The following CNTN6 variants were observed in gnomAD, a reference collection of about 807,000 sequenced individuals.
The protein encoded by CNTN6 is contactin-6.
A neutral mutation model predicts 122.8 loss-of-function variants in CNTN6; 137 were observed. The observed-to-expected ratio is 1.12, with a 90% CI of 0.97 to 1.29. CNTN6 has a LOEUF of 1.29. Among genes scored for constraint, CNTN6 ranks in the 50% most tolerant of loss-of-function variants. CNTN6 has a pLI of 0.00. For synonymous variants in CNTN6, 570 were observed against 426.0 expected, an observed-to-expected ratio of 1.34 and a Z score of -4.16; for missense variants, 1,634 against 1,223.4, an observed-to-expected ratio of 1.34 and a Z score of -5.01.
intron 2 of CNTN6, among the ~76,000 whole-genome samples, chr3:1,177,697 T>C (rs1337742386): frequency 6.6e-6 from 1 of 152,134 alleles, no homozygotes; most frequent in Non-Finnish European, 1.5e-5. Flanking sequence ...TTCAGCACTT[T>C]AAAGACATCA....
At chr3:1,336,652 T>C (rs1703111841) in intron 11 of CNTN6, among the ~76,000 whole-genome samples, 1 of 152,174 alleles carries the variant, frequency 6.6e-6, no homozygotes, top group Non-Finnish European at 1.5e-5. Context: ...TTAAAACCTG[T>C]GTGGCCCTGG....
intron 1 of CNTN6, among the ~76,000 whole-genome samples, chr3:1,094,446 G>T (rs1186140966): frequency 6.6e-6 from 1 of 151,996 alleles, no homozygotes; most frequent in Admixed American, 6.5e-5. Flanking sequence ...GCAGTCCAAA[G>T]ATTTCAAATA....
intron 2 of CNTN6, among the ~76,000 whole-genome samples, chr3:1,162,671 T>C (rs1207833595): frequency 6.6e-6 from 1 of 152,206 alleles, no homozygotes; most frequent in Non-Finnish European, 1.5e-5. Flanking sequence ...TGTCAAATGA[T>C]TTGTTGTTGC....
intron 4 of CNTN6, among the ~76,000 whole-genome samples, chr3:1,261,629 C>T (rs1005137793): frequency 1.3e-5 from 2 of 152,088 alleles, no homozygotes; most frequent in African/African-American, 4.8e-5. Flanking sequence ...GCAGCAAACC[C>T]TCTAACGTAA....
At chr3:1,227,686 A>T (rs1452135490) in intron 3 of CNTN6, 132 bp from the exon 4 acceptor site, 1 of 915,134 alleles carries the variant, frequency 1.1e-6, no homozygotes, top group Non-Finnish European at 1.6e-6. Context: ...TAAAACTGGT[A>T]GGATTACCTC....
intron 4 of CNTN6, among the ~76,000 whole-genome samples, chr3:1,271,774 A>G (rs766135092): frequency 2.6e-5 from 4 of 152,198 alleles, no homozygotes; most frequent in Non-Finnish European, 5.9e-5. Context: ...GAAAAGCATT[A>G]GGCTTTTGAT....
At chr3:1,378,558 T>A (rs1023984298) in intron 17 of CNTN6, among the ~76,000 whole-genome samples, 1 of 152,028 alleles carries the variant, frequency 6.6e-6, no homozygotes, top group Admixed American at 6.6e-5. Flanking sequence ...ACTTGTTGAA[T>A]GGAAGGTAGT....
intron 2 of CNTN6, among the ~76,000 whole-genome samples, chr3:1,186,819 C>A (rs1257804717): frequency 1.3e-5 from 2 of 148,776 alleles, no homozygotes; most frequent in East Asian, 2.0e-4. Context: ...TTATTTTTTT[C>A]TTTTTTTAAT....
intron 17 of CNTN6, among the ~76,000 whole-genome samples, chr3:1,382,516 A>C (rs1355895617): frequency 6.6e-6 from 1 of 152,144 alleles, no homozygotes; most frequent in Non-Finnish European, 1.5e-5. Context: ...TCCATTACAC[A>C]TGTCTTACAA....
rs1321539790 is a variant in CNTN6 at position 1,382,949 on chromosome 3, CAGA to C, written c.2179_2181del (p.Glu727del). 6.2e-7 allele frequency: 1 copy of C among 1,612,666 alleles called. No individual in the cohort carries two copies. Reference sequence around the variant, plus strand: ...GATCACATTCTGCCCAAGTCAATTCCAGAAGAACTGCAGAATGGGGAGGGATTT... The same window carrying C: ...GATCACATTCTGCCCAAGTCAATTCCAGAACTGCAGAATGGGGAGGGATTT... On this transcript the variant is annotated inframe_deletion, in exon 18 of 23. Coordinates refer to ENST00000446702, the MANE Select transcript of CNTN6 (RefSeq NM_001289080.2).
intron 5 of CNTN6, among the ~76,000 whole-genome samples, chr3:1,286,148 C>G (rs1027395051): frequency 3.3e-5 from 5 of 152,174 alleles, no homozygotes; most frequent in Non-Finnish European, 5.9e-5. Context: ...CACTGGTACA[C>G]TTTGTGGCAG....
chr3:1,242,855 G>C (rs967291051), intron 4 of CNTN6, among the ~76,000 whole-genome samples: 1 of 152,152 alleles, frequency 6.6e-6, no homozygotes, highest in Non-Finnish European at 1.5e-5. Flanking sequence ...GTACCAGAGT[G>C]GGGGAGTTTT....
intron 4 of CNTN6, among the ~76,000 whole-genome samples, chr3:1,232,995 G>A (rs191063581): frequency 5.3e-5 from 8 of 152,284 alleles, no homozygotes; most frequent in African/African-American, 1.7e-4. Context: ...CCTGAGAACT[G>A]AAATGCAGAA....
intron 7 of CNTN6, among the ~76,000 whole-genome samples, chr3:1,311,268 T>C (rs1023368575): frequency 1.4e-5 from 2 of 146,742 alleles, no homozygotes; most frequent in Middle Eastern, 4.3e-3. Flanking sequence ...TATATGTGTA[T>C]ATATACATAC....
intron 20 of CNTN6, among the ~76,000 whole-genome samples, chr3:1,399,162 T>C (rs1247706221): frequency 2.6e-5 from 4 of 152,158 alleles, no homozygotes. Flanking sequence ...GTATTTTCTC[T>C]GTATTGATTA....
intron 12 of CNTN6, among the ~76,000 whole-genome samples, chr3:1,365,767 A>G (rs1708133804): frequency 1.3e-5 from 2 of 152,234 alleles, no homozygotes; most frequent in East Asian, 1.9e-4. Flanking sequence ...AGCTTTTAAT[A>G]TGTTAAAATG....
At chr3:1,149,012 T>A (rs1302628252) in intron 2 of CNTN6, among the ~76,000 whole-genome samples, 15 of 152,182 alleles carry the variant, frequency 9.9e-5, no homozygotes, top group Admixed American at 9.8e-4. Context: ...TTTCTGTGAG[T>A]TATTTTGACA....
intron 2 of CNTN6, among the ~76,000 whole-genome samples, chr3:1,186,622 T>C (rs551877444): frequency 3.9e-5 from 6 of 152,162 alleles, no homozygotes; most frequent in East Asian, 1.9e-4. Context: ...AAAAGCAAAA[T>C]TGACTCATCT....
At chr3:1,343,892 G>A (rs1704255164) in intron 11 of CNTN6, among the ~76,000 whole-genome samples, 1 of 152,024 alleles carries the variant, frequency 6.6e-6, no homozygotes, top group African/African-American at 2.4e-5. Flanking sequence ...TAGAGTCCAT[G>A]GTCTTATAAT....
Sources: gnomAD v4.1 joint callset for allele counts (sites outside exome capture counted in the v4.1 genomes callset) on GRCh38, gnomAD v4.1.1 for gene constraint, MANE v1.5 for transcripts, NCBI Gene and HGNC (gene_info 2026-07-23, HGNC 2026-07-21) for gene names.